The following KIF13B variants were observed in gnomAD, a reference collection of about 807,000 sequenced individuals.
The protein encoded by KIF13B is kinesin-like protein KIF13B.
Under a neutral mutation model 222.0 loss-of-function variants are expected in KIF13B, and 127 were observed. The observed-to-expected ratio is 0.57, with a 90% CI of 0.50 to 0.66. The LOEUF is 0.66. KIF13B is among the 30% of genes least tolerant of loss of function. The pLI is 0.00. For missense variants in KIF13B, 2,173 were observed against 2,379.0 expected, an observed-to-expected ratio of 0.91 and a Z score of 1.80; for synonymous variants, 976 against 919.0, an observed-to-expected ratio of 1.06 and a Z score of -1.12.
chr8:29,122,655 G>A lies in KIF13B; in HGVS notation c.3480-9C>T. ...TCCCAGGTACTGGGGTCCTAAAACGGGAAGAACAAATGGCATCTGCCTCAG... is the reference window on the plus strand; with the variant it reads ...TCCCAGGTACTGGGGTCCTAAAACGAGAAGAACAAATGGCATCTGCCTCAG... On this transcript the variant is annotated splice_polypyrimidine_tract_variant and intron_variant, in intron 28 of 39. Transcript: ENST00000524189. 4 of 1,603,338 alleles carry A rather than the reference G, an allele frequency of 2.5e-6. No homozygotes were observed. The highest frequency in any genetic ancestry group is 3.4e-6 in the Non-Finnish European group (4 of 1,174,388).
intron 1 of KIF13B, among the ~76,000 whole-genome samples, chr8:29,259,463 T>G (rs1358364710): frequency 1.3e-5 from 2 of 152,246 alleles, no homozygotes; most frequent in African/African-American, 2.4e-5. Flanking sequence ...AGATATTTAC[T>G]TATTTTGGTA....
chr8:29,070,742 C>G lies in KIF13B; in HGVS notation c.5243G>C (p.Gly1748Ala), dbSNP rs758684417. ...PSGKNDGSIG[G>A]KQYFRCNPGY... ...AGGGTTACACCTGAAGTACTGCTTC[C>G]CGCCGATGGAACCGTCATTCTTACC... Residue 1748 changes from glycine (G) to alanine (A), a missense_variant, in exon 40 of 40, where the codon GGG becomes GCG. Gly to Ala is a moderately conservative substitution (Grantham distance 60). Coordinates refer to ENST00000524189, the MANE Select transcript of KIF13B (RefSeq NM_015254.4). This position sits in a 1 kb window ranked among gnomAD's most constrained non-coding sequence, Gnocchi z 4.1. 3 of 1,583,200 alleles carry G rather than the reference C, an allele frequency of 1.9e-6. No individual in the cohort carries two copies. Among genetic ancestry groups the G allele is most frequent in the South Asian group, 2.3e-5 (2 of 86,660 alleles).
Position 29,072,215 on chromosome 8 carries a change from G to C in KIF13B, c.4623C>G (p.Val1541=). ...CCGGGGTGACCGCTGTGACAGCTAT[G>C]ACAGGCGGTGGGGAAGGCACTTTGG... The part of the protein sequence containing the change: ...KPAKVPSPPP[V]IAVTAVTPAP... The change falls in exon 39 of 40, where the codon GTC becomes GTG. Residue 1541 remains valine, a synonymous_variant. Coordinates refer to ENST00000524189, the MANE Select transcript of KIF13B (RefSeq NM_015254.4). 2 of 1,468,818 alleles carry C rather than the reference G, an allele frequency of 1.4e-6. No individual in the cohort carries two copies. The highest frequency in any genetic ancestry group is 2.9e-5 in the South Asian group (2 of 68,750). 91.0% of individuals were successfully genotyped at this position (1,468,818 alleles called of 1,614,324 possible). A position where few individuals can be genotyped will look rare whatever the true frequency, so the allele number is the denominator to read the frequency against.
rs375355572 is a variant in KIF13B at position 29,148,623 on chromosome 8, G to A, written c.1767C>T (p.Tyr589=). The change falls in exon 16 of 40, where the codon TAC becomes TAT. Residue 589 remains tyrosine, a synonymous_variant. Transcript: ENST00000524189. ...SEVSSEVNFN[Y]EYAQMEVTMK... is the part of the protein sequence containing the mutation. ...TGGTGACCTCCATCTGTGCGTATTC[G>A]TAATTAAAGTTAACTTCACTGGACA... is the stretch of plus-strand genomic sequence containing the variant. 25 of 1,612,504 alleles carry A rather than the reference G, an allele frequency of 1.6e-5. No individual in the cohort carries two copies. The highest frequency in any genetic ancestry group is 1.7e-5 in the Admixed American group (1 of 59,776).
At chr8:29,127,961 G>A (rs1436886486) in intron 24 of KIF13B, among the ~76,000 whole-genome samples, 2 of 151,538 alleles carry the variant, frequency 1.3e-5, no homozygotes, top group South Asian at 2.1e-4. Context: ...AGTTGTTAAA[G>A]TATTACTGTA....
At chr8:29,254,600 A>T (rs1041884176) in intron 1 of KIF13B, among the ~76,000 whole-genome samples, 1 of 152,232 alleles carries the variant, frequency 6.6e-6, no homozygotes, top group Non-Finnish European at 1.5e-5. Context: ...AACCACAATC[A>T]GATACCACCT....
chr8:29,243,206 G>A (rs925246143), intron 2 of KIF13B, among the ~76,000 whole-genome samples: 19 of 151,684 alleles, frequency 1.3e-4, no homozygotes, highest in Non-Finnish European at 8.8e-5. Flanking sequence ...AATTAGCTGG[G>A]AGTGATGGTG....
At chr8:29,199,451 T>C (rs538783092) in intron 2 of KIF13B, among the ~76,000 whole-genome samples, 1 of 151,856 alleles carries the variant, frequency 6.6e-6, no homozygotes, top group Non-Finnish European at 1.5e-5. Flanking sequence ...ACATCCCTGA[T>C]CTGAAAATCC....
chr8:29,148,034 T>C (rs896994781), intron 16 of KIF13B, among the ~76,000 whole-genome samples: 11 of 152,130 alleles, frequency 7.2e-5, no homozygotes, highest in African/African-American at 1.4e-4. Flanking sequence ...CTTGTCTCTA[T>C]TGAAAATACA....
At chr8:29,101,175 T>C (rs1249858371) in intron 35 of KIF13B, among the ~76,000 whole-genome samples, 2 of 152,222 alleles carry the variant, frequency 1.3e-5, no homozygotes, top group Non-Finnish European at 2.9e-5. Flanking sequence ...TTTCATGATC[T>C]GTCTGGGAAG....
chr8:29,193,733 A>AT (rs2130365523), intron 3 of KIF13B, among the ~76,000 whole-genome samples: 1 of 152,356 alleles, frequency 6.6e-6, no homozygotes, highest in South Asian at 2.1e-4. Flanking sequence ...ATCCTCCCAT[A>AT]TACTTCAAAT....
At chr8:29,134,282 G>A (rs1194298638) in intron 21 of KIF13B, 72 bp from the exon 22 acceptor site, 1 of 1,453,810 alleles carries the variant, frequency 6.9e-7, no homozygotes, top group East Asian at 2.3e-5. Context: ...GCAGGTTCCA[G>A]CCCCGGCTCT....
intron 36 of KIF13B, among the ~76,000 whole-genome samples, chr8:29,097,260 A>G (rs1456142572): frequency 9.1e-6 from 1 of 109,692 alleles, no homozygotes; most frequent in Non-Finnish European, 2.1e-5. Context: ...TATCAGGAAG[A>G]TATAACAATC....
At chr8:29,225,192 A>G (rs574974807) in intron 2 of KIF13B, among the ~76,000 whole-genome samples, 15 of 152,370 alleles carry the variant, frequency 9.8e-5, no homozygotes, top group African/African-American at 3.6e-4. Context: ...GCAGAAAGGC[A>G]GGGCCACATG....
rs749799694 is a variant in KIF13B at position 29,124,077 on chromosome 8, G to A, written c.3299C>T (p.Thr1100Ile). The A allele has an allele frequency of 1.8e-5, 29 of 1,613,150 alleles. No homozygotes were observed. The South Asian group carries it at 3.1e-4, about 17-fold the overall frequency. Reference protein sequence around the residue: ...RLRRKWLNALTKRQEYLDQQL... With the variant: ...RLRRKWLNALIKRQEYLDQQL... Reference sequence around the variant, plus strand: ...TTGATCCAAGTACTCCTGACGTTTTGTTAATGCATTTAGCCATTTTCTACG... The same window carrying A: ...TTGATCCAAGTACTCCTGACGTTTTATTAATGCATTTAGCCATTTTCTACG... The change falls in exon 27 of 40, where the codon ACA becomes ATA. Residue 1100 changes from threonine (T) to isoleucine (I), a missense_variant. Transcript: ENST00000524189.
chr8:29,119,000 CA>C lies in KIF13B; in HGVS notation c.3536-9del. 2 of 1,611,476 alleles carry C rather than the reference CA, an allele frequency of 1.2e-6. No individual in the cohort carries two copies. The highest frequency in any genetic ancestry group is 1.7e-6 in the Non-Finnish European group (2 of 1,179,130). ...GAGAGCTGAAATCATCAGCTAAAAG[CA>C]AAGAAGTTCCATTAAATACTGAGAT... On this transcript the variant is annotated splice_polypyrimidine_tract_variant and intron_variant, in intron 29 of 39. Transcript: ENST00000524189.
intron 2 of KIF13B, among the ~76,000 whole-genome samples, chr8:29,228,832 C>A (rs1210768756): frequency 6.6e-6 from 1 of 152,038 alleles, no homozygotes; most frequent in East Asian, 1.9e-4. Context: ...CAGGCTCTCA[C>A]CTAACTCTAA....
In KIF13B at chr8:29,106,632, CAAAAAAAAAAAAAA is replaced by C. The variant is rs71222590; in HGVS notation, c.4215+1493_4215+1506del. 5.7e-4 allele frequency among the ~76,000 whole-genome samples: 32 copies of C among 56,470 alleles called. No individual in the cohort carries two copies. The East Asian group carries it at 6.8e-3, about 12-fold the overall frequency. 37.0% of individuals were successfully genotyped at this position (56,470 alleles called of 152,430 possible). On this transcript the variant is annotated intron_variant, in intron 35 of 39. Transcript: ENST00000524189. The stretch of plus-strand genomic sequence containing the variant: ...GGGCAACAAGAGCGAAACTCTGTCT[CAAAAAAAAAAAAAA>C]AAAAAAAAAAAAAGTCTAATTAATG...
At chr8:29,211,709 C>T (rs1271740924) in intron 2 of KIF13B, among the ~76,000 whole-genome samples, 2 of 152,164 alleles carry the variant, frequency 1.3e-5, no homozygotes, top group African/African-American at 2.4e-5. Flanking sequence ...AGAGCTTGCA[C>T]GGGGCTTGGA....
Sources: allele counts gnomAD v4.1 joint callset (sites outside exome capture counted in the v4.1 genomes callset), GRCh38; gene constraint gnomAD v4.1.1; non-coding constraint Gnocchi (gnomAD v3.1); transcripts MANE v1.5; gene names NCBI Gene and HGNC (gene_info 2026-07-23, HGNC 2026-07-21).